Variants in UBR3 observed in about 807,000 individuals in gnomAD.
UBR3 encodes E3 ubiquitin-protein ligase UBR3.
A neutral mutation model predicts 243.2 loss-of-function variants in UBR3; 85 were observed. The observed-to-expected ratio is 0.35, with a 90% CI of 0.29 to 0.42. The LOEUF is 0.42. UBR3 is among the 10% of genes least tolerant of loss of function. The pLI, the probability that UBR3 is intolerant of heterozygous loss-of-function variation, is 1.00. For synonymous variants in UBR3, 748 were observed against 799.8 expected (o/e 0.94, Z 1.09); for missense variants, 1,686 against 2,300.8 (o/e 0.73, Z 5.47).
chr2:170,046,603 A>C (rs1468894557), intron 32 of UBR3, among the ~76,000 whole-genome samples: 1 of 152,206 alleles, frequency 6.6e-6, no homozygotes, highest in Non-Finnish European at 1.5e-5. Flanking sequence ...TTTTATCAGG[A>C]GATATAATTT....
intron 5 of UBR3, among the ~76,000 whole-genome samples, chr2:169,890,542 T>G (rs1440950757): frequency 0.028 from 1,740 of 61,946 alleles, 108 homozygotes; most frequent in African/African-American, 0.11. Context: ...GAGAGAGAGA[T>G]ATATATATAT....
intron 23 of UBR3, among the ~76,000 whole-genome samples, chr2:169,952,758 A>T (rs1000254100): frequency 6.6e-6 from 1 of 151,906 alleles, no homozygotes; most frequent in Non-Finnish European, 1.5e-5. Context: ...TAGATTAAGA[A>T]TTTAGGAGAA....
chr2:169,989,067 A>G (rs564998039), intron 25 of UBR3, among the ~76,000 whole-genome samples: 3 of 152,208 alleles, frequency 2.0e-5, no homozygotes, highest in Non-Finnish European at 4.4e-5. Flanking sequence ...TATCTTCAAC[A>G]GTGATTAATT....
chr2:169,957,333 C>CTGGATTAAGAAAATG (rs1198684791), intron 23 of UBR3, among the ~76,000 whole-genome samples: 2 of 151,310 alleles, frequency 1.3e-5, no homozygotes, highest in Non-Finnish European at 2.9e-5. Flanking sequence ...CAGTGATAGA[C>CTGGATTAAGAAAATG]TGGATTAAGA....
In UBR3 at chr2:169,827,735, G is replaced by C; in HGVS notation, c.228G>C (p.Ala76=). 1 of 1,238,200 alleles carries C rather than the reference G, an allele frequency of 8.1e-7. No homozygotes were observed. Among genetic ancestry groups the C allele is most frequent in the Non-Finnish European group, 1.0e-6 (1 of 993,702 alleles). 76.7% of individuals were successfully genotyped at this position (1,238,200 alleles called of 1,614,324 possible). A position where few individuals can be genotyped will look rare whatever the true frequency, so the allele number is the denominator to read the frequency against. Residue 76 remains alanine, a synonymous_variant, in exon 1 of 39, where the codon GCG becomes GCC. Transcript: ENST00000272793. ...CTGCCGGCGGCGAGGACGCGGCGGC[G>C]GCCGGAGGCGGGGGCGGTCCGGGGG... ...AAAAGGEDAA[A]AGGGGGPGAA...
chr2:169,857,110 G>C (rs1361365627), intron 1 of UBR3, among the ~76,000 whole-genome samples: 3 of 67,218 alleles, frequency 4.5e-5, no homozygotes, highest in Non-Finnish European at 8.0e-5. Context: ...GTCTTGTTCT[G>C]TCTCCCAGGC....
chr2:169,955,683 A>T (rs2087248625), intron 23 of UBR3, among the ~76,000 whole-genome samples: 1 of 149,698 alleles, frequency 6.7e-6, no homozygotes, highest in Non-Finnish European at 1.5e-5. Context: ...AATCCCGGCT[A>T]CTCAAGAGGC....
At chr2:169,938,689 ATTAAT>A (rs1474832070) in intron 19 of UBR3, among the ~76,000 whole-genome samples, 3 of 152,170 alleles carry the variant, frequency 2.0e-5, no homozygotes, top group Non-Finnish European at 4.4e-5. Context: ...TGTTGCCTAA[ATTAAT>A]TTAATTTTCC....
intron 31 of UBR3, among the ~76,000 whole-genome samples, chr2:170,038,583 A>G (rs1040813099): frequency 9.2e-5 from 14 of 152,324 alleles, no homozygotes; most frequent in African/African-American, 3.4e-4. Context: ...AGGGATGGCA[A>G]AGAGGAAGTA....
At chr2:169,912,815 G>C (rs549391721) in intron 10 of UBR3, among the ~76,000 whole-genome samples, 1 of 151,638 alleles carries the variant, frequency 6.6e-6, no homozygotes, top group Non-Finnish European at 1.5e-5. Context: ...GGGTCTCACT[G>C]TGTTGCCCAT....
intron 26 of UBR3, 118 bp downstream of exon 26, chr2:169,994,574 G>A: frequency 8.5e-7 from 1 of 1,170,444 alleles, no homozygotes; most frequent in Non-Finnish European, 1.2e-6. Context: ...AAGTTTATTA[G>A]AAAAAAATTA....
At chr2:169,836,866 A>G (rs1444638064) in intron 1 of UBR3, among the ~76,000 whole-genome samples, 4 of 152,148 alleles carry the variant, frequency 2.6e-5, no homozygotes, top group Admixed American at 2.0e-4. Flanking sequence ...AATGCTGTAC[A>G]TACTCTAGAT....
intron 32 of UBR3, among the ~76,000 whole-genome samples, chr2:170,046,095 T>G (rs932358410): frequency 1.3e-5 from 2 of 151,720 alleles, no homozygotes; most frequent in Non-Finnish European, 2.9e-5. Flanking sequence ...GCTTCCCAAG[T>G]AGCTAGGATT....
intron 26 of UBR3, among the ~76,000 whole-genome samples, chr2:169,997,537 A>T (rs1286967596): frequency 6.6e-6 from 1 of 151,952 alleles, no homozygotes; most frequent in Admixed American, 6.5e-5. Context: ...TAGTGAATGG[A>T]GGCATGTCAC....
intron 36 of UBR3, among the ~76,000 whole-genome samples, chr2:170,074,984 A>T (rs906055177): frequency 2.4e-4 from 37 of 152,264 alleles, no homozygotes; most frequent in Middle Eastern, 6.8e-3. Context: ...ATTAAAGGGG[A>T]GCCAAGTTTC....
intron 32 of UBR3, among the ~76,000 whole-genome samples, chr2:170,045,222 A>G (rs1574443767): frequency 1.3e-5 from 2 of 152,312 alleles, no homozygotes; most frequent in South Asian, 4.2e-4. Context: ...GTTTCCCTGC[A>G]TGAAACCATT....
intron 31 of UBR3, among the ~76,000 whole-genome samples, chr2:170,038,280 T>C (rs73019561): frequency 0.043 from 6,542 of 152,260 alleles, 153 homozygotes; most frequent in Middle Eastern, 0.061. Flanking sequence ...CCATAAACTT[T>C]CTTCTAATTT....
chr2:169,965,041 C>A, intron 24 of UBR3: 1 of 451,558 alleles, frequency 2.2e-6, no homozygotes. Context: ...TTCCAGATCA[C>A]ACTGATTCTG....
At chr2:169,972,546 C>A (rs1449959008) in intron 24 of UBR3, among the ~76,000 whole-genome samples, 1 of 151,132 alleles carries the variant, frequency 6.6e-6, no homozygotes, top group Non-Finnish European at 1.5e-5. Flanking sequence ...TCCAGCAGCA[C>A]ATCAAAAAGC....
Sources: allele counts gnomAD v4.1 joint callset (sites outside exome capture counted in the v4.1 genomes callset), GRCh38; gene constraint gnomAD v4.1.1; transcripts MANE v1.5; gene names NCBI Gene and HGNC (gene_info 2026-07-23, HGNC 2026-07-21).